The following EBF2 variants were observed in gnomAD, a reference collection of about 807,000 sequenced individuals.
The protein encoded by EBF2 is EBF transcription factor 2, also known as transcription factor COE2.
Under a neutral mutation model 72.8 loss-of-function variants are expected in EBF2, and 21 were observed. The ratio of observed to expected loss-of-function variants is 0.29; its 90% CI spans 0.20 to 0.42. The LOEUF is 0.42. Ranked by LOEUF, EBF2 falls within the 10% of genes least tolerant of loss-of-function variation. The pLI is 1.00. For missense variants in EBF2, 637 were observed against 731.2 expected (o/e 0.87, Z 1.49); for synonymous variants, 299 against 274.2 (o/e 1.09, Z -0.89).
At chr8:25,894,075 G>C (rs1004217044) in intron 7 of EBF2, among the ~76,000 whole-genome samples, 1 of 152,162 alleles carries the variant, frequency 6.6e-6, no homozygotes, top group Non-Finnish European at 1.5e-5. Context: ...CAGATGGTGA[G>C]GTAGCTGGAA....
chr8:25,889,648 G>A, intron 8 of EBF2, 104 bp downstream of exon 8: 1 of 871,666 alleles, frequency 1.1e-6, no homozygotes, highest in South Asian at 1.5e-5. Context: ...ACATTGTTCT[G>A]TGTACTTTCT....
chr8:25,874,927 C>A (rs1802497057), intron 10 of EBF2, among the ~76,000 whole-genome samples: 2 of 142,824 alleles, frequency 1.4e-5, no homozygotes, highest in African/African-American at 5.4e-5. Context: ...CTCAAGTGAT[C>A]CTCTGGCCTC....
intron 6 of EBF2, among the ~76,000 whole-genome samples, chr8:25,954,850 T>C (rs988373875): frequency 6.6e-6 from 1 of 152,208 alleles, no homozygotes; most frequent in African/African-American, 2.4e-5. Context: ...CAGTGCACTT[T>C]TAATTATACC....
intron 15 of EBF2, among the ~76,000 whole-genome samples, chr8:25,846,952 G>A (rs1216392708): frequency 6.6e-6 from 1 of 152,156 alleles, no homozygotes; most frequent in Non-Finnish European, 1.5e-5. Flanking sequence ...TGGAAAGTAG[G>A]TATGGGGGTA....
At chr8:25,977,107 A>C (rs1356151892) in intron 6 of EBF2, among the ~76,000 whole-genome samples, 1 of 152,202 alleles carries the variant, frequency 6.6e-6, no homozygotes, top group African/African-American at 2.4e-5. Context: ...TAGGGAATAC[A>C]GCAGAGGCAT....
chr8:26,028,040 G>A (rs1805329393), intron 6 of EBF2, among the ~76,000 whole-genome samples: 1 of 152,026 alleles, frequency 6.6e-6, no homozygotes, highest in African/African-American at 2.4e-5. Flanking sequence ...ATAAATGAAT[G>A]GTGGTGATAG....
At chr8:25,992,001 G>T (rs1232766238) in intron 6 of EBF2, among the ~76,000 whole-genome samples, 1 of 152,076 alleles carries the variant, frequency 6.6e-6, no homozygotes, top group Non-Finnish European at 1.5e-5. Context: ...AACAACTGTG[G>T]ATACAGGTAT....
intron 6 of EBF2, among the ~76,000 whole-genome samples, chr8:25,946,999 C>G (rs1339214476): frequency 6.6e-6 from 1 of 152,152 alleles, no homozygotes; most frequent in African/African-American, 2.4e-5. Context: ...ATTTGATTCA[C>G]TTTAGTCCTC....
chr8:25,883,375 G>C (rs1482704167), intron 10 of EBF2, among the ~76,000 whole-genome samples: 2 of 151,542 alleles, frequency 1.3e-5, no homozygotes, highest in African/African-American at 4.8e-5. Context: ...TTATTTTAGG[G>C]GCTGAATCTA....
chr8:25,880,983 A>C, intron 10 of EBF2, among the ~76,000 whole-genome samples: 1 of 151,676 alleles, frequency 6.6e-6, no homozygotes, highest in Non-Finnish European at 1.5e-5. Context: ...CCTTCACCCC[A>C]TCCAATCAAT....
At position 25,850,694 on chromosome 8, in the gene EBF2, A is replaced by G. The variant is rs757016307; in HGVS notation, c.1596T>C (p.Val532=). 27 of 1,563,618 alleles carry G rather than the reference A, an allele frequency of 1.7e-5. No homozygotes were observed. Among genetic ancestry groups the G allele is most frequent in the East Asian group, 2.4e-5 (1 of 41,680 alleles). The change falls in exon 15 of 16, where the codon GTT becomes GTC. Residue 532 remains valine (V), a synonymous_variant. Transcript: ENST00000520164. The part of the protein sequence containing the change: ...TSSILPFSSS[V]FPAVKQKSAF... Reference sequence around the variant, plus strand: ...CACTCTTCTGTTTGACAGCAGGAAAAACTGAAGAGGAAAATGGGAGGATGG... The same window carrying G: ...CACTCTTCTGTTTGACAGCAGGAAAGACTGAAGAGGAAAATGGGAGGATGG...
chr8:25,902,615 A>G (rs1366252635), intron 7 of EBF2, among the ~76,000 whole-genome samples: 1 of 152,166 alleles, frequency 6.6e-6, no homozygotes, highest in Non-Finnish European at 1.5e-5. Flanking sequence ...AAATAAATAA[A>G]ACATATCGAT....
intron 6 of EBF2, among the ~76,000 whole-genome samples, chr8:25,912,559 T>C (rs1352743762): frequency 6.6e-6 from 1 of 150,992 alleles, no homozygotes; most frequent in Non-Finnish European, 1.5e-5. Context: ...TTGAAGAGAC[T>C]GCAGTGTCCC....
intron 6 of EBF2, among the ~76,000 whole-genome samples, chr8:26,016,241 G>A (rs1805109152): frequency 6.6e-6 from 1 of 151,994 alleles, no homozygotes; most frequent in African/African-American, 2.4e-5. Context: ...TTCCACTTGG[G>A]GCCTCTACCC....
At chr8:25,896,829 C>T (rs1296800472) in intron 7 of EBF2, among the ~76,000 whole-genome samples, 1 of 152,148 alleles carries the variant, frequency 6.6e-6, no homozygotes, top group Non-Finnish European at 1.5e-5. Flanking sequence ...TCCATTAATT[C>T]AATCCAGGCT....
chr8:25,950,257 A>G (rs1375012666), intron 6 of EBF2, among the ~76,000 whole-genome samples: 1 of 152,166 alleles, frequency 6.6e-6, no homozygotes, highest in Non-Finnish European at 1.5e-5. Flanking sequence ...CAGGCTCTCA[A>G]ATTCCATATT....
chr8:26,023,683 A>T (rs767965657), intron 6 of EBF2, among the ~76,000 whole-genome samples: 2 of 152,224 alleles, frequency 1.3e-5, no homozygotes, highest in Non-Finnish European at 2.9e-5. Context: ...GTATAACAGC[A>T]GTTCCCCGCA....
intron 14 of EBF2, among the ~76,000 whole-genome samples, chr8:25,852,976 A>G (rs1180669158): frequency 1.3e-5 from 2 of 152,224 alleles, no homozygotes; most frequent in Non-Finnish European, 2.9e-5. Flanking sequence ...TCTTTAGAGC[A>G]AAATAGAGTT....
intron 6 of EBF2, among the ~76,000 whole-genome samples, chr8:25,935,000 C>T (rs1253131832): frequency 2.0e-5 from 3 of 152,142 alleles, no homozygotes; most frequent in African/African-American, 7.2e-5. Context: ...CAGGACCAAG[C>T]GACTTGCAAG....
Sources: allele counts gnomAD v4.1 joint callset (sites outside exome capture counted in the v4.1 genomes callset), GRCh38; gene constraint gnomAD v4.1.1; transcripts MANE v1.5; gene names NCBI Gene and HGNC (gene_info 2026-07-23, HGNC 2026-07-21).